DOCK1: variants seen among roughly 807,000 people sequenced by gnomAD.
DOCK1 encodes dedicator of cytokinesis protein 1.
A neutral mutation model predicts 262.7 loss-of-function variants in DOCK1; 138 were observed. The ratio of observed to expected loss-of-function variants is 0.53; its 90% CI spans 0.46 to 0.61. The LOEUF is 0.61. Ranked by LOEUF, DOCK1 falls within the 20% of genes least tolerant of loss-of-function variation. DOCK1 has a pLI of 0.00. For missense variants in DOCK1, 1,908 were observed against 2,370.7 expected, an observed-to-expected ratio of 0.80 and a Z score of 4.05; for synonymous variants, 866 against 867.4, an observed-to-expected ratio of 1.00 and a Z score of 0.03.
intron 29 of DOCK1, among the ~76,000 whole-genome samples, chr10:127,266,564 A>G (rs1307140586): frequency 2.0e-5 from 3 of 152,030 alleles, no homozygotes; most frequent in African/African-American, 7.2e-5. Context: ...TGTTTCATGC[A>G]TAAAATAGAG....
At chr10:127,122,391 G>C (rs1218388875) in intron 25 of DOCK1, among the ~76,000 whole-genome samples, 2 of 152,190 alleles carry the variant, frequency 1.3e-5, no homozygotes, top group Non-Finnish European at 2.9e-5. Context: ...TCAGTGACCT[G>C]GTTCTGTTTT....
intron 25 of DOCK1, among the ~76,000 whole-genome samples, chr10:127,112,264 G>A (rs532689003): frequency 6.6e-6 from 1 of 152,154 alleles, no homozygotes; most frequent in Non-Finnish European, 1.5e-5. Context: ...CACCCGCCTC[G>A]GCCTCCCAGA....
At chr10:127,098,819 T>C (rs919628212) in intron 23 of DOCK1, among the ~76,000 whole-genome samples, 1 of 152,192 alleles carries the variant, frequency 6.6e-6, no homozygotes, top group Non-Finnish European at 1.5e-5. Flanking sequence ...TTGGGTGCTC[T>C]GTGTCTTGAC....
intron 35 of DOCK1, among the ~76,000 whole-genome samples, chr10:127,375,971 A>G (rs1303786043): frequency 1.3e-5 from 2 of 152,216 alleles, no homozygotes; most frequent in African/African-American, 2.4e-5. Context: ...AAGCCCAAAC[A>G]GAAACCACCA....
intron 38 of DOCK1, 142 bp downstream of exon 38, chr10:127,385,051 C>A: frequency 9.2e-7 from 1 of 1,086,794 alleles, no homozygotes; most frequent in Non-Finnish European, 1.2e-6. Context: ...TATGCATGTT[C>A]CTTCAGCTTG....
At chr10:127,411,512 G>A (rs1457199524) in intron 43 of DOCK1, among the ~76,000 whole-genome samples, 1 of 152,286 alleles carries the variant, frequency 6.6e-6, no homozygotes, top group East Asian at 1.9e-4. Context: ...CCTACTAGGT[G>A]CCAGTGCCAC....
At chr10:127,210,895 C>A (rs767152893) in intron 27 of DOCK1, among the ~76,000 whole-genome samples, 1 of 152,198 alleles carries the variant, frequency 6.6e-6, no homozygotes, top group Non-Finnish European at 1.5e-5. Flanking sequence ...TGACACGTGG[C>A]GTAATGACTT....
At chr10:127,104,602 G>C (rs1440633850) in intron 23 of DOCK1, among the ~76,000 whole-genome samples, 4 of 152,160 alleles carry the variant, frequency 2.6e-5, no homozygotes, top group African/African-American at 9.7e-5. Context: ...TTCTGTAATT[G>C]CGTAGTATTT....
At chr10:127,231,344 G>A (rs2134565062) in intron 27 of DOCK1, among the ~76,000 whole-genome samples, 1 of 151,946 alleles carries the variant, frequency 6.6e-6, no homozygotes, top group Non-Finnish European at 1.5e-5. Context: ...AAATGTTGGT[G>A]TAGTCAGTGT....
chr10:127,372,240 G>T (rs2065246104), intron 33 of DOCK1, among the ~76,000 whole-genome samples: 1 of 152,178 alleles, frequency 6.6e-6, no homozygotes, highest in Non-Finnish European at 1.5e-5. Flanking sequence ...GACAGGCAGG[G>T]CGTCTGTGTC....
In DOCK1 at chr10:127,012,393, T is replaced by C. The variant is rs752150513; in HGVS notation, c.1201+19T>C. ...GGGCAGGGTACGTATTTTCCTATTT[T>C]GTTTCTATCAGCGTGTATTTGCATG... On this transcript the variant is annotated intron_variant, in intron 12 of 51. Coordinates refer to ENST00000623213, the MANE Select transcript of DOCK1 (RefSeq NM_001290223.2). This position sits in a 1 kb window ranked among gnomAD's most constrained non-coding sequence, Gnocchi z 4.0. The C allele has an allele frequency of 1.2e-6, 2 of 1,613,096 alleles. No individual in the cohort carries two copies.
At chr10:126,955,689 G>C (rs1181575099) in intron 1 of DOCK1, among the ~76,000 whole-genome samples, 2 of 152,120 alleles carry the variant, frequency 1.3e-5, no homozygotes, top group Non-Finnish European at 2.9e-5. Flanking sequence ...AGGGATGGCT[G>C]TCTTGGCTTC....
At chr10:126,965,805 T>C (rs909268251) in intron 1 of DOCK1, among the ~76,000 whole-genome samples, 1 of 152,198 alleles carries the variant, frequency 6.6e-6, no homozygotes, top group Non-Finnish European at 1.5e-5. Flanking sequence ...CACCTTCATG[T>C]GGTACATATG....
chr10:127,106,177 A>T, intron 23 of DOCK1, 54 bp from the exon 24 acceptor site: 1 of 1,535,538 alleles, frequency 6.5e-7, no homozygotes, highest in East Asian at 2.4e-5. Context: ...ACAAATTGGT[A>T]TGAACACTCC....
At chr10:127,300,583 C>T (rs2061646159) in intron 29 of DOCK1, among the ~76,000 whole-genome samples, 1 of 152,184 alleles carries the variant, frequency 6.6e-6, no homozygotes, top group South Asian at 2.1e-4. Flanking sequence ...CAAATGTTAC[C>T]AGTCATGCTA....
chr10:127,015,402 A>G (rs2041794965), intron 12 of DOCK1, among the ~76,000 whole-genome samples: 1 of 151,186 alleles, frequency 6.6e-6, no homozygotes, highest in African/African-American at 2.4e-5. Flanking sequence ...CATGGGCACC[A>G]TCTGTCCCAG....
intron 46 of DOCK1, among the ~76,000 whole-genome samples, chr10:127,420,439 C>T (rs2068433665): frequency 6.6e-6 from 1 of 152,164 alleles, no homozygotes; most frequent in Admixed American, 6.5e-5. Flanking sequence ...CCAGCCTGCT[C>T]TGCTGCTTTA....
chr10:127,084,170 G>A (rs1285306156), intron 23 of DOCK1, among the ~76,000 whole-genome samples: 2 of 151,996 alleles, frequency 1.3e-5, no homozygotes, highest in African/African-American at 4.8e-5. Flanking sequence ...TTAATTCTTG[G>A]TTGGTGAGTG....
intron 1 of DOCK1, among the ~76,000 whole-genome samples, chr10:126,954,723 A>G (rs1002487610): frequency 6.6e-6 from 1 of 152,198 alleles, no homozygotes; most frequent in African/African-American, 2.4e-5. Context: ...ACTCAGCACA[A>G]TGTCCTCAAG....
Sources: gnomAD v4.1 joint callset for allele counts (sites outside exome capture counted in the v4.1 genomes callset) on GRCh38, gnomAD v4.1.1 for gene constraint, Gnocchi (gnomAD v3.1) non-coding constraint, MANE v1.5 for transcripts, NCBI Gene and HGNC (gene_info 2026-07-23, HGNC 2026-07-21) for gene names.